SYNDIG1: variants seen among roughly 807,000 people sequenced by gnomAD.
The protein encoded by SYNDIG1 is synapse differentiation inducing 1, also known as synapse differentiation-inducing gene protein 1.
SYNDIG1 carries 9 observed loss-of-function variants against 19.4 expected under a neutral mutation model. The ratio of observed to expected loss-of-function variants is 0.46; its 90% CI spans 0.28 to 0.81. The LOEUF (loss-of-function observed/expected upper bound fraction) is 0.81, where lower values mean the gene tolerates loss of function less well. Among genes scored for constraint, SYNDIG1 ranks in the 30% least tolerant of loss-of-function variants. SYNDIG1 has a pLI of 0.12. For synonymous variants in SYNDIG1, 141 were observed against 145.9 expected (o/e 0.97, Z 0.24); for missense variants, 311 against 343.3 (o/e 0.91, Z 0.74).
chr20:24,506,049 C>G (rs2056583022), intron 1 of SYNDIG1, among the ~76,000 whole-genome samples: 2 of 152,176 alleles, frequency 1.3e-5, no homozygotes, highest in Admixed American at 1.3e-4. Context: ...CAGTGCCGAC[C>G]CCAAGAGTAT....
At chr20:24,559,274 G>T (rs2057888399) in intron 2 of SYNDIG1, among the ~76,000 whole-genome samples, 1 of 152,182 alleles carries the variant, frequency 6.6e-6, no homozygotes, top group Admixed American at 6.5e-5. Flanking sequence ...CACCTCCTAA[G>T]TGGGTGGAAA....
intron 1 of SYNDIG1, among the ~76,000 whole-genome samples, chr20:24,527,372 G>GGTA (rs1370404377): frequency 6.6e-6 from 1 of 151,856 alleles, no homozygotes; most frequent in Non-Finnish European, 1.5e-5. Context: ...TATTTATTCT[G>GGTA]GTAGTCACTT....
chr20:24,590,183 T>C (rs922752290), intron 3 of SYNDIG1, among the ~76,000 whole-genome samples: 1 of 151,676 alleles, frequency 6.6e-6, no homozygotes, highest in Admixed American at 6.6e-5. Context: ...AAGCCGCCAG[T>C]TGAGCCAGGG....
intron 3 of SYNDIG1, among the ~76,000 whole-genome samples, chr20:24,649,751 GA>G (rs146971571): frequency 1.2e-3 from 178 of 152,254 alleles, no homozygotes; most frequent in African/African-American, 4.2e-3. Flanking sequence ...ATTACCCATG[GA>G]CTACATGGTT....
At chr20:24,586,425 A>T (rs2058418908) in intron 3 of SYNDIG1, among the ~76,000 whole-genome samples, 2 of 152,130 alleles carry the variant, frequency 1.3e-5, no homozygotes, top group Admixed American at 1.3e-4. Flanking sequence ...TGTGGAGTGG[A>T]TGCAGGCATG....
At chr20:24,618,479 C>T (rs2058984345) in intron 3 of SYNDIG1, among the ~76,000 whole-genome samples, 1 of 152,132 alleles carries the variant, frequency 6.6e-6, no homozygotes, top group African/African-American at 2.4e-5. Context: ...CTTCTCTTGT[C>T]GGGGTCATTT....
chr20:24,565,655 A>C (rs1343895786), intron 2 of SYNDIG1, among the ~76,000 whole-genome samples: 1 of 152,188 alleles, frequency 6.6e-6, no homozygotes, highest in Non-Finnish European at 1.5e-5. Flanking sequence ...GCTTTGCTTT[A>C]GCCGTTTAAA....
intron 1 of SYNDIG1, among the ~76,000 whole-genome samples, chr20:24,479,692 A>G (rs1336413635): frequency 6.6e-6 from 1 of 152,108 alleles, no homozygotes; most frequent in Non-Finnish European, 1.5e-5. Context: ...TTGCCAGATC[A>G]TCTCAGTACC....
rs142795116 is a variant in SYNDIG1 at position 24,666,591 on chromosome 20, C to T, written c.*1087C>T. On this transcript the variant is annotated 3_prime_UTR_variant, in exon 4 of 4. Transcript: ENST00000376862. ...ACAAAAAATTATCTTTTAGCTTTTT[C>T]GCTTAAGACTTTTCTTTCTGATGAA... 5.5e-4 allele frequency: 84 copies of T among 152,602 alleles called. 1 individual carries two copies. The East Asian group carries it at 0.014, about 25-fold the overall frequency. The allele number at this position is 152,602 out of a possible 1,614,324, so 9.5% of individuals were successfully genotyped here. A position where few individuals can be genotyped will look rare whatever the true frequency, so the allele number is the denominator to read the frequency against.
chr20:24,602,826 T>C (rs571764423), intron 3 of SYNDIG1, among the ~76,000 whole-genome samples: 33 of 152,374 alleles, frequency 2.2e-4, no homozygotes, highest in Admixed American at 1.6e-3. Context: ...TAATTGTTTA[T>C]ACAGAGAATG....
At chr20:24,607,728 G>A (rs2058779722) in intron 3 of SYNDIG1, among the ~76,000 whole-genome samples, 1 of 152,222 alleles carries the variant, frequency 6.6e-6, no homozygotes, top group Admixed American at 6.5e-5. Flanking sequence ...GTTGGCCACA[G>A]TTGGAGAACC....
chr20:24,544,699 AAG>A (rs1424539302), intron 2 of SYNDIG1, among the ~76,000 whole-genome samples: 1 of 152,136 alleles, frequency 6.6e-6, no homozygotes, highest in Non-Finnish European at 1.5e-5. Flanking sequence ...CTCTGGGTTG[AAG>A]AGGAAGAAAA....
chr20:24,649,454 G>A lies in SYNDIG1; in HGVS notation c.619-15892G>A, dbSNP rs567114929. 9.9e-5 allele frequency among the ~76,000 whole-genome samples: 15 copies of A among 152,180 alleles called. No homozygotes were observed. In the South Asian group the frequency reaches 1.0e-3, roughly 11 times the overall value. ...TCCATTTATAGTTTAACTTCTCAGC[G>A]GGGCTCTTGCACACGTGTATCTATA... On this transcript the variant is annotated intron_variant, in intron 3 of 3. Coordinates refer to ENST00000376862, the MANE Select transcript of SYNDIG1 (RefSeq NM_024893.3).
chr20:24,483,324 T>A (rs1033052749), intron 1 of SYNDIG1, among the ~76,000 whole-genome samples: 2 of 152,218 alleles, frequency 1.3e-5, no homozygotes, highest in African/African-American at 4.8e-5. Flanking sequence ...GGGTTACATG[T>A]GGATTTCATT....
intron 1 of SYNDIG1, among the ~76,000 whole-genome samples, chr20:24,500,513 TC>T (rs2056422280): frequency 1.4e-5 from 2 of 143,818 alleles, no homozygotes; most frequent in Admixed American, 7.0e-5. Context: ...TTTCTTTCTT[TC>T]TTTCTTTCTT....
intron 1 of SYNDIG1, among the ~76,000 whole-genome samples, chr20:24,493,431 G>GGGTA (rs2056212215): frequency 6.6e-6 from 1 of 152,062 alleles, no homozygotes; most frequent in African/African-American, 2.4e-5. Flanking sequence ...ACACAGGTAC[G>GGGTA]CACACATACA....
intron 3 of SYNDIG1, among the ~76,000 whole-genome samples, chr20:24,638,295 A>G (rs2059336038): frequency 6.6e-6 from 1 of 152,148 alleles, no homozygotes. Context: ...ACAAGTTTGC[A>G]TATATATATT....
chr20:24,578,736 G>A (rs1442568499), intron 2 of SYNDIG1, among the ~76,000 whole-genome samples: 1 of 152,226 alleles, frequency 6.6e-6, no homozygotes, highest in African/African-American at 2.4e-5. Context: ...GGGAGGAGCA[G>A]CAGGGAGCTC....
At position 24,510,618 on chromosome 20, in the gene SYNDIG1, A is replaced by G. The variant is rs561088362; in HGVS notation, c.-78-32402A>G. 4.0e-5 allele frequency among the ~76,000 whole-genome samples: 6 copies of G among 151,752 alleles called. No homozygotes were observed. In the South Asian group the frequency reaches 1.2e-3, roughly 32 times the overall value. On this transcript the variant is annotated intron_variant, in intron 1 of 3. Coordinates refer to ENST00000376862, the MANE Select transcript of SYNDIG1 (RefSeq NM_024893.3). Reference sequence around the variant, plus strand: ...AATATTTTTCTCTGTTTGAGATCATATTTTTGTCTTTTGTATTGTATAGTT... The same window carrying G: ...AATATTTTTCTCTGTTTGAGATCATGTTTTTGTCTTTTGTATTGTATAGTT...
Sources: allele counts gnomAD v4.1 joint callset (sites outside exome capture counted in the v4.1 genomes callset), GRCh38; gene constraint gnomAD v4.1.1; transcripts MANE v1.5; gene names NCBI Gene and HGNC (gene_info 2026-07-23, HGNC 2026-07-21).